The following ABHD17C variants were observed in gnomAD, a reference collection of about 807,000 sequenced individuals.
The protein encoded by ABHD17C is abhydrolase domain containing 17C, depalmitoylase, also known as alpha/beta hydrolase domain-containing protein 17C.
Under a neutral mutation model 27.9 loss-of-function variants are expected in ABHD17C, and 11 were observed. That is an observed-to-expected ratio of 0.39 (90% CI 0.25 to 0.65). ABHD17C has a LOEUF of 0.65. Among genes scored for constraint, ABHD17C ranks in the 30% least tolerant of loss-of-function variants. The probability of loss-of-function intolerance (pLI) is 0.45; values close to 1 mark genes in which losing one functional copy is unlikely to be tolerated. For missense variants in ABHD17C, 280 were observed against 470.2 expected (o/e 0.60, Z 3.74); for synonymous variants, 233 against 209.1 (o/e 1.11, Z -0.98).
At chr15:80,732,180 C>T (rs1466803033) in intron 1 of ABHD17C, among the ~76,000 whole-genome samples, 1 of 152,228 alleles carries the variant, frequency 6.6e-6, no homozygotes, top group Non-Finnish European at 1.5e-5. Flanking sequence ...CCATTTTACA[C>T]ACGAGAGAAC....
chr15:80,698,411 A>G (rs963887729), intron 1 of ABHD17C, among the ~76,000 whole-genome samples: 1 of 152,170 alleles, frequency 6.6e-6, no homozygotes, highest in African/African-American at 2.4e-5. Flanking sequence ...GTGAATTGCT[A>G]AATTTATTTC....
intron 1 of ABHD17C, among the ~76,000 whole-genome samples, chr15:80,723,033 C>T (rs1894919638): frequency 6.6e-6 from 1 of 152,116 alleles, no homozygotes; most frequent in Non-Finnish European, 1.5e-5. Flanking sequence ...TTAGGTTCTG[C>T]GGGGCTGACT....
chr15:80,712,825 T>C (rs1222816976), intron 1 of ABHD17C, among the ~76,000 whole-genome samples: 1 of 152,268 alleles, frequency 6.6e-6, no homozygotes, highest in Non-Finnish European at 1.5e-5. Context: ...TTTTACTGAC[T>C]GCCTATCAGC....
At chr15:80,698,585 G>A (rs573064974) in intron 1 of ABHD17C, among the ~76,000 whole-genome samples, 38 of 152,306 alleles carry the variant, frequency 2.5e-4, no homozygotes, top group Middle Eastern at 3.4e-3. Context: ...AGGTGCATTT[G>A]TGTGTCTTGG....
chr15:80,707,964 A>C (rs1226789302), intron 1 of ABHD17C, among the ~76,000 whole-genome samples: 2 of 152,238 alleles, frequency 1.3e-5, no homozygotes, highest in South Asian at 4.1e-4. Context: ...TCCATCCCTG[A>C]AGCTCAGTGG....
chr15:80,712,579 C>T (rs1894742263), intron 1 of ABHD17C, among the ~76,000 whole-genome samples: 1 of 152,184 alleles, frequency 6.6e-6, no homozygotes, highest in Non-Finnish European at 1.5e-5. Flanking sequence ...AACAGAAGTG[C>T]TCAGAGGAGA....
At chr15:80,736,151 G>A (rs1220418643) in intron 1 of ABHD17C, among the ~76,000 whole-genome samples, 4 of 152,078 alleles carry the variant, frequency 2.6e-5, no homozygotes, top group Non-Finnish European at 2.9e-5. Context: ...CCAAAACAGC[G>A]GATACTTTAA....
intron 1 of ABHD17C, among the ~76,000 whole-genome samples, chr15:80,707,908 T>C (rs1272197409): frequency 2.0e-5 from 3 of 152,222 alleles, no homozygotes; most frequent in African/African-American, 7.2e-5. Context: ...CTAAAAAGGC[T>C]AAGAAGGTAT....
intron 1 of ABHD17C, among the ~76,000 whole-genome samples, chr15:80,723,836 G>C (rs1281551844): frequency 6.6e-6 from 1 of 152,180 alleles, no homozygotes; most frequent in Non-Finnish European, 1.5e-5. Flanking sequence ...CTGCAGCTGA[G>C]GTGAACGGGG....
At chr15:80,713,354 C>CTTTTTTTTTTTTTTTTTTTTTT (rs67320992) in intron 1 of ABHD17C, among the ~76,000 whole-genome samples, 1 of 43,842 alleles carries the variant, frequency 2.3e-5, no homozygotes, top group Non-Finnish European at 3.7e-5. Context: ...AGGTCTTGTT[C>CTTTTTTTTTTTTTTTTTTTTTT]TTTTTTTTTT....
At chr15:80,722,694 G>T (rs999424898) in intron 1 of ABHD17C, among the ~76,000 whole-genome samples, 6 of 152,066 alleles carry the variant, frequency 3.9e-5, no homozygotes, top group Non-Finnish European at 5.9e-5. Context: ...ACTGAAACTT[G>T]GTACCCTTTA....
intron 1 of ABHD17C, among the ~76,000 whole-genome samples, chr15:80,713,927 C>G (rs987356207): frequency 6.7e-6 from 1 of 150,272 alleles, no homozygotes; most frequent in African/African-American, 2.4e-5. Flanking sequence ...CACACACACA[C>G]ACACACACAC....
At chr15:80,728,360 A>G (rs1427109100) in intron 1 of ABHD17C, among the ~76,000 whole-genome samples, 6 of 151,988 alleles carry the variant, frequency 3.9e-5, no homozygotes, top group African/African-American at 1.5e-4. Flanking sequence ...CTATTCACAC[A>G]CAGATGAGAC....
chr15:80,713,580 T>C (rs541174754), intron 1 of ABHD17C, among the ~76,000 whole-genome samples: 35 of 151,450 alleles, frequency 2.3e-4, no homozygotes, highest in Middle Eastern at 3.4e-3. Flanking sequence ...GAGGCCAAGG[T>C]GGGTGGATCA....
rs116965421 is a variant in ABHD17C at position 80,710,595 on chromosome 15, A to G, written c.590+14576A>G. On this transcript the variant is annotated intron_variant, in intron 1 of 2. Coordinates refer to ENST00000258884, the MANE Select transcript of ABHD17C (RefSeq NM_021214.2). ...ACAGCGGTGGTGAGATTTTGGATGT[A>G]TTTGAAAGGCGGAACCAACAACAGT... is the stretch of plus-strand genomic sequence containing the variant. Among the ~76,000 whole-genome samples the G allele has an allele frequency of 6.5e-3, 988 of 152,304 alleles. 9 individuals are homozygous for G. The highest frequency in any genetic ancestry group is 8.3e-3 in the Non-Finnish European group (563 of 68,020).
chr15:80,721,911 A>T (rs896868014), intron 1 of ABHD17C, among the ~76,000 whole-genome samples: 5 of 152,092 alleles, frequency 3.3e-5, no homozygotes, highest in African/African-American at 1.2e-4. Flanking sequence ...ACCAACTAAA[A>T]GTCTTAGCTC....
chr15:80,705,331 A>AT (rs529176453), intron 1 of ABHD17C, among the ~76,000 whole-genome samples: 1,739 of 60,054 alleles, frequency 0.029, 27 homozygotes, highest in Middle Eastern at 0.042. Flanking sequence ...GCTTCCTATG[A>AT]TTTGTGTGTG....
At chr15:80,709,199 G>A (rs1255188114) in intron 1 of ABHD17C, among the ~76,000 whole-genome samples, 1 of 151,330 alleles carries the variant, frequency 6.6e-6, no homozygotes, top group African/African-American at 2.4e-5. Flanking sequence ...TTAAAAAAAA[G>A]CTATTGGGGC....
intron 1 of ABHD17C, among the ~76,000 whole-genome samples, chr15:80,697,449 A>G (rs1027389310): frequency 6.6e-6 from 1 of 152,240 alleles, no homozygotes; most frequent in African/African-American, 2.4e-5. Context: ...TTAAAATTTG[A>G]AACATGAAAA....
Sources: gnomAD v4.1 joint callset for allele counts (sites outside exome capture counted in the v4.1 genomes callset) on GRCh38, gnomAD v4.1.1 for gene constraint, MANE v1.5 for transcripts, NCBI Gene and HGNC (gene_info 2026-07-23, HGNC 2026-07-21) for gene names.